CORO1C: variants seen among roughly 807,000 people sequenced by gnomAD.
CORO1C encodes the protein coronin-1C.
In CORO1C, 14 loss-of-function variants were observed where a neutral mutation model predicts 51.2. The ratio of observed to expected loss-of-function variants is 0.27; its 90% CI spans 0.18 to 0.43. The LOEUF (loss-of-function observed/expected upper bound fraction) is 0.43. CORO1C is among the 20% of genes least tolerant of loss of function. The probability of loss-of-function intolerance (pLI) is 1.00; values close to 1 mark genes in which losing one functional copy is unlikely to be tolerated. For missense variants in CORO1C, 417 were observed against 607.8 expected (o/e 0.69, Z 3.30); for synonymous variants, 181 against 210.5 (o/e 0.86, Z 1.21).
chr12:108,664,050 A>G (rs1284534831), intron 3 of CORO1C, among the ~76,000 whole-genome samples: 1 of 152,258 alleles, frequency 6.6e-6, no homozygotes, highest in Admixed American at 6.5e-5. Flanking sequence ...GGGCTGAGTT[A>G]CAGGTAAGCT....
At chr12:108,661,908 T>C in intron 4 of CORO1C, 121 bp downstream of exon 4, 1 of 1,101,064 alleles carries the variant, frequency 9.1e-7, no homozygotes, top group Non-Finnish European at 1.3e-6. Context: ...CTCTTCACCA[T>C]GGTTTCCTAA....
intron 2 of CORO1C, among the ~76,000 whole-genome samples, chr12:108,679,109 C>CAAAAAAAAAAAAA (rs1183326267): frequency 9.0e-4 from 20 of 22,148 alleles, no homozygotes; most frequent in African/African-American, 1.6e-3. Flanking sequence ...GACTCTGTCT[C>CAAAAAAAAAAAAA]AAAAAAAAAA....
In CORO1C at chr12:108,691,753, G is replaced by A. The variant is rs147449734; in HGVS notation, c.195+9371C>T. Among the ~76,000 whole-genome samples, 598 of 152,320 alleles carry A rather than the reference G, an allele frequency of 3.9e-3. 5 individuals are homozygous for A. The highest frequency in any genetic ancestry group is 5.3e-3 in the Non-Finnish European group (360 of 68,032). ...CAGAGCCCTGTCAGGCCTGCGGGCCGGCTGCTGTGGACATATCAGTGAACT... is the reference window on the plus strand; with the variant it reads ...CAGAGCCCTGTCAGGCCTGCGGGCCAGCTGCTGTGGACATATCAGTGAACT... On this transcript the variant is annotated intron_variant, in intron 2 of 10. Coordinates refer to ENST00000261401, the MANE Select transcript of CORO1C (RefSeq NM_014325.4).
chr12:108,657,293 G>T lies in CORO1C; in HGVS notation c.750+11C>A. On this transcript the variant is annotated intron_variant, in intron 6 of 10. Coordinates refer to ENST00000261401, the MANE Select transcript of CORO1C (RefSeq NM_014325.4). ...AAGTGAAAGCAAGTGGAAAGCCTGG[G>T]GAGGGCGTACCGGATTCCAGAGAGC... The T allele has an allele frequency of 6.2e-7, 1 of 1,612,602 alleles. No individual in the cohort carries two copies. The highest frequency in any genetic ancestry group is 8.5e-7 in the Non-Finnish European group (1 of 1,179,092).
In CORO1C at chr12:108,658,766, A is replaced by G. The variant is rs1369909837; in HGVS notation, c.602T>C (p.Ile201Thr). Residue 201 changes from isoleucine to threonine, a missense_variant, in exon 5 of 11, where the codon ATT becomes ACT. Transcript: ENST00000261401. The surrounding 1 kb of genome is among the most constrained non-coding windows in gnomAD (Gnocchi z 4.9). The stretch of plus-strand genomic sequence containing the variant: ...AACAATCTCTTGTTTCCTGGGATCA[A>G]TGACTCTCACTTTCTTGTCTTTGGA... ...TASKDKKVRV[I>T]DPRKQEIVAE... The G allele has an allele frequency of 1.9e-6, 3 of 1,611,966 alleles. No individual in the cohort carries two copies. Among genetic ancestry groups the G allele is most frequent in the Non-Finnish European group, 2.5e-6 (3 of 1,178,038 alleles).
intron 1 of CORO1C, among the ~76,000 whole-genome samples, chr12:108,717,772 G>A (rs1237550862): frequency 2.0e-5 from 3 of 152,164 alleles, no homozygotes; most frequent in African/African-American, 7.2e-5. Flanking sequence ...TCTGAAAAGA[G>A]TAAAACCATG....
At chr12:108,661,262 C>T (rs2033248387) in intron 4 of CORO1C, among the ~76,000 whole-genome samples, 1 of 152,084 alleles carries the variant, frequency 6.6e-6, no homozygotes, top group South Asian at 2.1e-4. Flanking sequence ...CTGTACAACA[C>T]CAGTGTCCAG....
intron 3 of CORO1C, among the ~76,000 whole-genome samples, chr12:108,673,589 T>C (rs1234911014): frequency 6.6e-6 from 1 of 152,328 alleles, no homozygotes; most frequent in East Asian, 1.9e-4. Context: ...GAAGATGCCA[T>C]CTAGAACTTT....
intron 2 of CORO1C, chr12:108,696,226 T>C (rs2034677235): frequency 6.6e-6 from 1 of 152,144 alleles, no homozygotes; most frequent in African/African-American, 2.4e-5. Flanking sequence ...TCACAGTATT[T>C]CACAATACTC....
At chr12:108,725,849 C>T (rs1466730964) in intron 1 of CORO1C, among the ~76,000 whole-genome samples, 1 of 151,986 alleles carries the variant, frequency 6.6e-6, no homozygotes, top group Non-Finnish European at 1.5e-5. Context: ...CTTTCTCTGC[C>T]GCCCAGGCTG....
chr12:108,656,088 G>A (rs2032967909), intron 6 of CORO1C, among the ~76,000 whole-genome samples: 1 of 151,094 alleles, frequency 6.6e-6, no homozygotes, highest in Non-Finnish European at 1.5e-5. Flanking sequence ...GAGAAGTGAG[G>A]AGCCCCTCTG....
chr12:108,652,049 T>TC (rs1718342668), intron 8 of CORO1C: 1 of 266,274 alleles, frequency 3.8e-6, no homozygotes, highest in Non-Finnish European at 6.6e-6. Flanking sequence ...GAGATTTTTT[T>TC]CTTTTCTTTT....
In CORO1C at chr12:108,658,061, T is replaced by C. The variant is rs1015012079; in HGVS notation, c.631-638A>G. Among the ~76,000 whole-genome samples the C allele has an allele frequency of 6.6e-6, 1 of 152,202 alleles. No individual in the cohort carries two copies. Among genetic ancestry groups the C allele is most frequent in the African/African-American group, 2.4e-5 (1 of 41,442 alleles). ...CTTCTCAGACTTACTATGTGTAGTTTCAACACCGACTGAAGACCCAAATGT... is the reference window on the plus strand; with the variant it reads ...CTTCTCAGACTTACTATGTGTAGTTCCAACACCGACTGAAGACCCAAATGT... On this transcript the variant is annotated intron_variant, in intron 5 of 10. Transcript: ENST00000261401. This position sits in a 1 kb window ranked among gnomAD's most constrained non-coding sequence, Gnocchi z 4.9.
chr12:108,703,025 C>G, intron 1 of CORO1C: 1 of 1,326,452 alleles, frequency 7.5e-7, no homozygotes, highest in Non-Finnish European at 1.0e-6. Context: ...ATGAATACTT[C>G]TCAAGCGTGA....
intron 3 of CORO1C, among the ~76,000 whole-genome samples, chr12:108,677,743 A>T (rs1472003642): frequency 6.6e-6 from 1 of 152,186 alleles, no homozygotes; most frequent in Non-Finnish European, 1.5e-5. Context: ...ATACACAAAC[A>T]CACTCACAGA....
intron 1 of CORO1C, chr12:108,730,110 A>G (rs2035683723): frequency 6.6e-6 from 1 of 152,214 alleles, no homozygotes; most frequent in African/African-American, 2.4e-5. Context: ...TTCTTTTCAA[A>G]TGTCTTATAG....
intron 1 of CORO1C, among the ~76,000 whole-genome samples, chr12:108,707,085 A>T (rs2136871696): frequency 6.6e-6 from 1 of 152,358 alleles, no homozygotes; most frequent in South Asian, 2.1e-4. Context: ...AAATCAGAAG[A>T]CTTAGCATTG....
In CORO1C at chr12:108,668,066, C is replaced by T. The variant is rs192599640; in HGVS notation, c.319-5908G>A. Among the ~76,000 whole-genome samples, 325 of 152,336 alleles carry T rather than the reference C, an allele frequency of 2.1e-3. 1 individual carries two copies. Among genetic ancestry groups the T allele is most frequent in the Non-Finnish European group, 3.3e-3 (225 of 68,036 alleles). ...AGAGTTACAGCCATAAAAAGGGTTA[C>T]ACCCCCAAAAGACCCTATTTTTCCA... On this transcript the variant is annotated intron_variant, in intron 3 of 10. Transcript: ENST00000261401.
At chr12:108,729,037 G>A (rs550440768) in intron 1 of CORO1C, among the ~76,000 whole-genome samples, 1 of 152,284 alleles carries the variant, frequency 6.6e-6, no homozygotes, top group South Asian at 2.1e-4. Context: ...GTACCAGTTT[G>A]TGACAAATCA....
Sources: allele counts gnomAD v4.1 joint callset (sites outside exome capture counted in the v4.1 genomes callset), GRCh38; gene constraint gnomAD v4.1.1; non-coding constraint Gnocchi (gnomAD v3.1); transcripts MANE v1.5; gene names NCBI Gene and HGNC (gene_info 2026-07-23, HGNC 2026-07-21).